The following SPAG9 variants were observed in gnomAD, a reference collection of about 807,000 sequenced individuals.
The protein encoded by SPAG9 is sperm associated antigen 9.
SPAG9 carries 35 observed loss-of-function variants against 166.5 expected under a neutral mutation model. The observed-to-expected ratio is 0.21, with a 90% CI of 0.16 to 0.28. SPAG9 has a LOEUF of 0.28. Ranked by LOEUF, SPAG9 falls within the 10% of genes least tolerant of loss-of-function variation. The pLI is 1.00. For synonymous variants in SPAG9, 534 were observed against 565.5 expected (o/e 0.94, Z 0.79); for missense variants, 1,235 against 1,603.3 (o/e 0.77, Z 3.92).
chr17:50,990,896 C>A, intron 19 of SPAG9, among the ~76,000 whole-genome samples: 1 of 150,182 alleles, frequency 6.7e-6, no homozygotes, highest in Admixed American at 6.6e-5. Context: ...ATAAAAATGT[C>A]AGAAAATAAA....
chr17:51,085,911 C>A (rs1033213424), intron 1 of SPAG9, among the ~76,000 whole-genome samples: 1 of 149,980 alleles, frequency 6.7e-6, no homozygotes, highest in Admixed American at 6.6e-5. Flanking sequence ...TTTATAAACA[C>A]TATTGAGGTT....
chr17:50,976,421 C>T (rs1428450598), intron 27 of SPAG9, among the ~76,000 whole-genome samples: 4 of 152,010 alleles, frequency 2.6e-5, no homozygotes, highest in Non-Finnish European at 5.9e-5. Flanking sequence ...TAAAGGCTTC[C>T]GAAATACCTT....
chr17:51,055,927 A>G (rs1372923963), intron 3 of SPAG9, among the ~76,000 whole-genome samples: 1 of 152,098 alleles, frequency 6.6e-6, no homozygotes, highest in Non-Finnish European at 1.5e-5. Context: ...CATGCAAAAA[A>G]CCTACTTTTG....
chr17:51,071,958 T>C (rs543231296), intron 2 of SPAG9, among the ~76,000 whole-genome samples: 1 of 152,270 alleles, frequency 6.6e-6, no homozygotes, highest in East Asian at 1.9e-4. Context: ...AACAAAAAAA[T>C]TGCATCCACC....
intron 22 of SPAG9, 128 bp from the exon 23 acceptor site, chr17:50,985,906 C>G (rs1860023351): frequency 1.8e-5 from 10 of 557,976 alleles, no homozygotes; most frequent in Non-Finnish European, 2.8e-5. Flanking sequence ...AAAGGTGCTG[C>G]TGCTTTTGTG....
intron 25 of SPAG9, among the ~76,000 whole-genome samples, chr17:50,980,515 A>AT (rs767942838): frequency 4.0e-5 from 6 of 151,460 alleles, no homozygotes; most frequent in Admixed American, 6.6e-5. Flanking sequence ...TAACAGAAAG[A>AT]TTTTATCTCC....
At chr17:51,007,136 T>C (rs918568233) in intron 10 of SPAG9, 133 bp downstream of exon 10, 7 of 531,412 alleles carry the variant, frequency 1.3e-5, no homozygotes, top group Non-Finnish European at 2.0e-5. Flanking sequence ...TGTGTGTGTG[T>C]GTGCACACTC....
intron 6 of SPAG9, chr17:51,023,222 T>G (rs2046012147): frequency 6.8e-6 from 1 of 147,962 alleles, no homozygotes; most frequent in South Asian, 2.1e-4. Flanking sequence ...TACATAATTA[T>G]ATATTTTTAT....
At chr17:51,022,520 C>T (rs2045979127) in intron 6 of SPAG9, among the ~76,000 whole-genome samples, 1 of 151,864 alleles carries the variant, frequency 6.6e-6, no homozygotes, top group Non-Finnish European at 1.5e-5. Flanking sequence ...GTTTGCAGCT[C>T]CAAAATAATT....
At chr17:50,988,436 A>C (rs1975247580) in intron 21 of SPAG9, among the ~76,000 whole-genome samples, 1 of 152,236 alleles carries the variant, frequency 6.6e-6, no homozygotes, top group African/African-American at 2.4e-5. Flanking sequence ...ATCTAGTTTA[A>C]AGAGACTCTC....
At chr17:50,991,904 G>A (rs1175400380) in intron 19 of SPAG9, among the ~76,000 whole-genome samples, 1 of 134,970 alleles carries the variant, frequency 7.4e-6, no homozygotes, top group Non-Finnish European at 1.6e-5. Flanking sequence ...GATTACAGGT[G>A]TAAGCCACCA....
At chr17:50,973,541 G>A (rs1973979297) in intron 28 of SPAG9, among the ~76,000 whole-genome samples, 1 of 152,164 alleles carries the variant, frequency 6.6e-6, no homozygotes, top group South Asian at 2.1e-4. Flanking sequence ...CTTGCCCCAT[G>A]TACATAAAAT....
intron 14 of SPAG9, 186 bp downstream of exon 14, chr17:50,999,475 C>A (rs2044830208): frequency 2.0e-6 from 3 of 1,506,868 alleles, no homozygotes; most frequent in Non-Finnish European, 2.6e-6. Context: ...AAGAGCCTTA[C>A]CGAGTTGGCA....
chr17:51,089,661 T>TATATATATATATATATAC (rs1426675943), intron 1 of SPAG9, among the ~76,000 whole-genome samples: 12 of 97,872 alleles, frequency 1.2e-4, no homozygotes, highest in East Asian at 7.1e-4. Flanking sequence ...TATATATATA[T>TATATATATATATATATAC]ATACACATAC....
At chr17:51,065,789 C>A (rs1003398374) in intron 2 of SPAG9, among the ~76,000 whole-genome samples, 4 of 152,152 alleles carry the variant, frequency 2.6e-5, no homozygotes, top group African/African-American at 7.2e-5. Context: ...TACTCCTAGG[C>A]CTGGTCCAGT....
rs750777426 is a variant in SPAG9 at position 50,995,542 on chromosome 17, G to A, written c.1969-9C>T. 5.8e-6 allele frequency: 9 copies of A among 1,559,242 alleles called. No homozygotes were observed. The South Asian group carries it at 6.7e-5, about 12-fold the overall frequency. On this transcript the variant is annotated splice_polypyrimidine_tract_variant and intron_variant, in intron 16 of 29. Transcript: ENST00000262013. ...CCTTGACCATTGGTTACCTAATAAT[G>A]GTGGAAGGAGGAGTGAAAAAGGCAC...
rs1015931146 is a variant in SPAG9, at chr17:50,977,013, G to A, written c.3523+95C>T. ...CTATAGCTAGATCTTTGCCATCACT[G>A]ATTTTCTGAGCTAACACAGATTTGA... On this transcript the variant is annotated intron_variant, in intron 27 of 29. Transcript: ENST00000262013. 8 of 766,240 alleles carry A rather than the reference G, an allele frequency of 1.0e-5. No individual in the cohort carries two copies. In the African/African-American group the frequency reaches 1.4e-4, roughly 13 times the overall value. 47.5% of individuals were successfully genotyped at this position (766,240 alleles called of 1,614,324 possible).
At chr17:51,075,195 C>CA (rs57533555) in intron 2 of SPAG9, among the ~76,000 whole-genome samples, 11,815 of 28,996 alleles carry the variant, frequency 0.41, 3,342 homozygotes, top group Non-Finnish European at 0.55. Context: ...GACTCCATCT[C>CA]AAAAAAAAAA....
At chr17:51,116,091 G>C (rs1436545290) in intron 1 of SPAG9, among the ~76,000 whole-genome samples, 1 of 151,758 alleles carries the variant, frequency 6.6e-6, no homozygotes, top group Non-Finnish European at 1.5e-5. Context: ...TACTGCCCAG[G>C]CTGGAGTACA....
Sources: allele counts gnomAD v4.1 joint callset (sites outside exome capture counted in the v4.1 genomes callset), GRCh38; gene constraint gnomAD v4.1.1; transcripts MANE v1.5; gene names NCBI Gene and HGNC (gene_info 2026-07-23, HGNC 2026-07-21).